The following MYO1B variants were observed in gnomAD, a reference collection of about 807,000 sequenced individuals.
The protein encoded by MYO1B is myosin IB.
Under a neutral mutation model 159.7 loss-of-function variants are expected in MYO1B, and 72 were observed. The observed-to-expected ratio is 0.45, with a 90% confidence interval of 0.37 to 0.55. MYO1B has a LOEUF of 0.55. Among genes scored for constraint, MYO1B ranks in the 20% least tolerant of loss-of-function variants. The pLI, the probability that MYO1B is intolerant of heterozygous loss-of-function variation, is 0.00. For synonymous variants in MYO1B, 468 were observed against 473.8 expected, an observed-to-expected ratio of 0.99 and a Z score of 0.16; for missense variants, 1,062 against 1,364.8, an observed-to-expected ratio of 0.78 and a Z score of 3.50.
At chr2:191,283,374 A>G (rs538166757) in intron 2 of MYO1B, among the ~76,000 whole-genome samples, 1 of 152,366 alleles carries the variant, frequency 6.6e-6, no homozygotes, top group Admixed American at 6.5e-5. Context: ...TGGAAGCAGT[A>G]TGGTAGCACT....
chr2:191,410,324 A>G (rs1351686442), intron 26 of MYO1B, among the ~76,000 whole-genome samples: 1 of 152,136 alleles, frequency 6.6e-6, no homozygotes, highest in African/African-American at 2.4e-5. Context: ...CAATGCTCAC[A>G]CTTCTTCATG....
chr2:191,292,378 G>C (rs978577999), intron 2 of MYO1B, among the ~76,000 whole-genome samples: 10 of 152,162 alleles, frequency 6.6e-5, no homozygotes, highest in African/African-American at 2.4e-4. Flanking sequence ...ATTTTAGGCA[G>C]ACATGAGACT....
chr2:191,400,952 T>G, intron 23 of MYO1B, 117 bp downstream of exon 23: 1 of 951,476 alleles, frequency 1.1e-6, no homozygotes, highest in South Asian at 1.7e-5. Context: ...CTGGTGCATG[T>G]CCTAGCCGCC....
chr2:191,296,134 A>G lies in MYO1B; in HGVS notation c.159A>G (p.Ile53Met). ...EIYTYIGSVV[I>M]SVNPYRSLPI... ...AGACATACATTGGAAGTGTGGTTATATCTGTTAACCCATACCGGTCTTTAC... is the reference window on the plus strand; with the variant it reads ...AGACATACATTGGAAGTGTGGTTATGTCTGTTAACCCATACCGGTCTTTAC... Residue 53 changes from isoleucine to methionine, a missense_variant, in exon 3 of 31, where the codon ATA becomes ATG. Transcript: ENST00000392318. 3 of 1,599,654 alleles carry G rather than the reference A, an allele frequency of 1.9e-6. No individual in the cohort carries two copies. The highest frequency in any genetic ancestry group is 2.6e-6 in the Non-Finnish European group (3 of 1,171,024).
At chr2:191,383,527 C>T in intron 15 of MYO1B, among the ~76,000 whole-genome samples, 185 bp downstream of exon 15, 1 of 117,400 alleles carries the variant, frequency 8.5e-6, no homozygotes, top group African/African-American at 3.2e-5. Flanking sequence ...CACACACACA[C>T]ACACACACAC....
At chr2:191,271,212 A>G (rs1052933832) in intron 1 of MYO1B, among the ~76,000 whole-genome samples, 4 of 152,252 alleles carry the variant, frequency 2.6e-5, no homozygotes, top group Admixed American at 2.6e-4. Context: ...TTACTATGCG[A>G]AGAAGAATCC....
In MYO1B at chr2:191,390,373, T is replaced by C; in HGVS notation, c.1863T>C (p.Leu621=). 1.2e-6 allele frequency: 2 copies of C among 1,614,226 alleles called. No homozygotes were observed. Among genetic ancestry groups the C allele is most frequent in the Non-Finnish European group, 8.5e-7 (1 of 1,180,040 alleles). Residue 621 remains leucine (L), a synonymous_variant, in exon 18 of 31, where the codon CTT becomes CTC. Coordinates refer to ENST00000392318, the MANE Select transcript of MYO1B (RefSeq NM_001130158.3). ...GTCATCAGATCAGGTACCTGGGGCTTTTGGAGAACGTCCGAGTGCGGAGGG... is the reference window on the plus strand; with the variant it reads ...GTCATCAGATCAGGTACCTGGGGCTCTTGGAGAACGTCCGAGTGCGGAGGG... ...LVCHQIRYLG[L]LENVRVRRAG...
rs1697224600 is a variant in MYO1B at position 191,411,060 on chromosome 2, TCA to T, written c.2767-3_2767-2del. 3 of 1,530,086 alleles carry T rather than the reference TCA, an allele frequency of 2.0e-6. No homozygotes were observed. The highest frequency in any genetic ancestry group is 2.7e-6 in the Non-Finnish European group (3 of 1,118,796). The allele number at this position is 1,530,086 out of a possible 1,614,324, so 94.8% of individuals were successfully genotyped here. On this transcript the variant is annotated splice_polypyrimidine_tract_variant and splice_region_variant and intron_variant, in intron 26 of 30. Transcript: ENST00000392318. ...TGTTTTGTTTCTTTCTTCTCATATC[TCA>T]CAGTGTAAAAAATACAGGGACCAAT... is the stretch of plus-strand genomic sequence containing the variant.
intron 13 of MYO1B, among the ~76,000 whole-genome samples, chr2:191,378,730 G>T (rs957221816): frequency 1.3e-5 from 2 of 152,078 alleles, no homozygotes; most frequent in Admixed American, 1.3e-4. Flanking sequence ...CGAAAATTTT[G>T]GGGGGTGGTA....
At chr2:191,254,691 A>G (rs1686331814) in intron 1 of MYO1B, among the ~76,000 whole-genome samples, 1 of 151,928 alleles carries the variant, frequency 6.6e-6, no homozygotes, top group Admixed American at 6.6e-5. Context: ...TTTTTTGTAG[A>G]GGTGATGTCT....
chr2:191,366,632 A>G (rs989186358), intron 11 of MYO1B, among the ~76,000 whole-genome samples: 7 of 152,106 alleles, frequency 4.6e-5, no homozygotes, highest in African/African-American at 2.4e-5. Flanking sequence ...AGCTTCTCCG[A>G]CATACTCTCT....
At chr2:191,415,183 T>C (rs776028536) in intron 29 of MYO1B, among the ~76,000 whole-genome samples, 7 of 152,188 alleles carry the variant, frequency 4.6e-5, no homozygotes, top group Non-Finnish European at 1.0e-4. Flanking sequence ...TACCTACTTT[T>C]TCTCATCTTT....
intron 7 of MYO1B, among the ~76,000 whole-genome samples, chr2:191,359,601 C>T (rs747410903): frequency 1.3e-5 from 2 of 152,130 alleles, no homozygotes; most frequent in Non-Finnish European, 2.9e-5. Flanking sequence ...CTAAACTCCT[C>T]CACAAATGCT....
At position 191,247,127 on chromosome 2, in the gene MYO1B, A is replaced by ATG. The variant is rs1193930716; in HGVS notation, c.-10+1502_-10+1503dup. On this transcript the variant is annotated intron_variant, in intron 1 of 30. Transcript: ENST00000392318. ...AGGAGGCTGACATTTCCAGGCATTC[A>ATG]TGGTTTGTGCCTGTGGGACACTGGT... Among the ~76,000 whole-genome samples the ATG allele has an allele frequency of 3.3e-5, 5 of 152,210 alleles. No individual in the cohort carries two copies. In the East Asian group the frequency reaches 5.8e-4, roughly 18 times the overall value.
At chr2:191,345,929 A>G (rs2125970414) in intron 5 of MYO1B, among the ~76,000 whole-genome samples, 1 of 152,330 alleles carries the variant, frequency 6.6e-6, no homozygotes, top group African/African-American at 2.4e-5. Flanking sequence ...TGGTCACTCA[A>G]TTGACTACTC....
At chr2:191,293,021 G>C (rs1287560800) in intron 2 of MYO1B, among the ~76,000 whole-genome samples, 1 of 152,194 alleles carries the variant, frequency 6.6e-6, no homozygotes, top group African/African-American at 2.4e-5. Context: ...CAGGCTGTAG[G>C]TCAGGATACC....
intron 3 of MYO1B, among the ~76,000 whole-genome samples, chr2:191,326,770 A>ATG (rs35184577): frequency 0.12 from 16,583 of 136,830 alleles, 1,024 homozygotes; most frequent in Non-Finnish European, 0.14. Context: ...GTTTGTATAT[A>ATG]TGTGTGTGTG....
At chr2:191,404,236 CCCA>C (rs1290551582) in intron 24 of MYO1B, among the ~76,000 whole-genome samples, 9 of 152,098 alleles carry the variant, frequency 5.9e-5, no homozygotes, top group Non-Finnish European at 1.2e-4. Context: ...CTCCCAGTTC[CCCA>C]GGGGGCACCA....
chr2:191,416,016 T>A, intron 29 of MYO1B, 99 bp from the exon 30 acceptor site: 4 of 1,270,156 alleles, frequency 3.1e-6, no homozygotes, highest in South Asian at 1.5e-5. Flanking sequence ...CAGGATCTGA[T>A]GTTTTAAAGA....
Sources: allele counts gnomAD v4.1 joint callset (sites outside exome capture counted in the v4.1 genomes callset), GRCh38; gene constraint gnomAD v4.1.1; transcripts MANE v1.5; gene names NCBI Gene and HGNC (gene_info 2026-07-23, HGNC 2026-07-21).